The following CEACAM21 variants were observed in gnomAD, a reference collection of about 807,000 sequenced individuals.
The protein encoded by CEACAM21 is CEA cell adhesion molecule 21.
CEACAM21 carries 38 observed loss-of-function variants against 33.2 expected under a neutral mutation model. The observed-to-expected ratio is 1.14, with a 90% CI of 0.88 to 1.50. The LOEUF is 1.50. Among genes scored for constraint, CEACAM21 ranks in the 40% most tolerant of loss-of-function variants. CEACAM21 has a pLI of 0.00. For missense variants in CEACAM21, 385 were observed against 364.6 expected (o/e 1.06, Z -0.46); for synonymous variants, 156 against 143.0 (o/e 1.09, Z -0.65).
chr19:41,571,505 G>T (rs2042611469), upstream of CEACAM21, among the ~76,000 whole-genome samples: 1 of 152,128 alleles, frequency 6.6e-6, no homozygotes, highest in Non-Finnish European at 1.5e-5. Context: ...TGACCCCAAG[G>T]CACCAGATAG....
Position 41,584,431 on chromosome 19 carries a change from GA to G in CEACAM21, c.790del (p.Thr264LeufsTer87). ...VAALVCFLLL[R>X]KTGRASDQSD... ...GCACTTGTGTGTTTCCTGCTCCTCCGAAAAACTGGCAGGTACCACAGCTTTT... is the reference window on the plus strand; with the variant it reads ...GCACTTGTGTGTTTCCTGCTCCTCCGAAAACTGGCAGGTACCACAGCTTTT... On this transcript the variant is annotated frameshift_variant, in exon 4 of 7. Transcript: ENST00000401445. LOFTEE classifies it high-confidence loss of function. The G allele has an allele frequency of 6.2e-7, 1 of 1,605,766 alleles. No individual in the cohort carries two copies.
chr19:41,574,465 A>C (rs2122211941), upstream of CEACAM21, among the ~76,000 whole-genome samples: 1 of 152,376 alleles, frequency 6.6e-6, no homozygotes, highest in African/African-American at 2.4e-5. Context: ...TTGTATCTAA[A>C]ATATATAAAG....
chr19:41,574,994 A>G (rs782454942), upstream of CEACAM21, among the ~76,000 whole-genome samples: 28 of 152,376 alleles, frequency 1.8e-4, 1 homozygote, highest in African/African-American at 4.6e-4. Context: ...ATATTGGGAT[A>G]TTACTCAGCC....
At chr19:41,572,220 T>C (rs930376358), upstream of CEACAM21, among the ~76,000 whole-genome samples, 13 of 152,278 alleles carry the variant, frequency 8.5e-5, no homozygotes, top group African/African-American at 2.9e-4. Context: ...AAATCACTTA[T>C]TTTTTTAAAA....
In CEACAM21 at chr19:41,577,418, T is replaced by C. The variant is rs1555791665; in HGVS notation, c.283T>C (p.Tyr95His). ...TCACGTTAGGACTCCAGGGCCTGCA[T>C]ACAGCGGTCGAGAGACAATATCACC... ...DTHVRTPGPA[Y>H]SGRETISPSG... is the part of the protein sequence containing the mutation. Residue 95 changes from tyrosine to histidine, a missense_variant, in exon 2 of 7, where the codon TAC becomes CAC. Transcript: ENST00000401445. 4.3e-6 allele frequency: 7 copies of C among 1,614,182 alleles called. No individual in the cohort carries two copies. The highest frequency in any genetic ancestry group is 5.1e-6 in the Non-Finnish European group (6 of 1,180,034).
At chr19:41,586,179 CTG>C in intron 6 of CEACAM21, 1 of 582,184 alleles carries the variant, frequency 1.7e-6, no homozygotes, top group Non-Finnish European at 3.1e-6. Context: ...ACCAGGGCAG[CTG>C]CTCTCATCTA....
At chr19:41,568,320 G>T (rs954354225) in intron 2 of CEACAM21, among the ~76,000 whole-genome samples, 3 of 151,576 alleles carry the variant, frequency 2.0e-5, no homozygotes, top group Non-Finnish European at 2.9e-5. Context: ...TGGTTTTGTT[G>T]CTTATGCTGT....
intron 2 of CEACAM21, among the ~76,000 whole-genome samples, chr19:41,570,581 A>G (rs1272702827): frequency 1.2e-4 from 18 of 152,100 alleles, no homozygotes; most frequent in Admixed American, 1.2e-3. Flanking sequence ...AGAATCATGC[A>G]CTCCCAACAT....
At chr19:41,560,408 A>G (rs2041810486) in intron 1 of CEACAM21, among the ~76,000 whole-genome samples, 1 of 152,042 alleles carries the variant, frequency 6.6e-6, no homozygotes, top group African/African-American at 2.4e-5. Context: ...TTTCATAGAG[A>G]TGGGGGTCTC....
chr19:41,585,999 C>A, intron 6 of CEACAM21, 128 bp downstream of exon 6: 3 of 978,140 alleles, frequency 3.1e-6, no homozygotes, highest in Non-Finnish European at 4.7e-6. Flanking sequence ...TTAGACCTGC[C>A]CTGGCCATGA....
At chr19:41,581,986 A>G (rs2078176837) in intron 3 of CEACAM21, among the ~76,000 whole-genome samples, 3 of 152,208 alleles carry the variant, frequency 2.0e-5, no homozygotes, top group African/African-American at 7.2e-5. Flanking sequence ...CCAAGTCCAA[A>G]GTTTCATCTG....
intron 1 of CEACAM21, among the ~76,000 whole-genome samples, chr19:41,555,645 G>C (rs1265096003): frequency 6.6e-6 from 1 of 151,858 alleles, no homozygotes; most frequent in Non-Finnish European, 1.5e-5. Flanking sequence ...CATGCCACAA[G>C]ACCAAGCCAC....
At chr19:41,586,421 T>C (rs1473982202) in intron 6 of CEACAM21, 43 bp from the exon 7 acceptor site, 2 of 624,140 alleles carry the variant, frequency 3.2e-6, no homozygotes, top group Non-Finnish European at 6.2e-6. Context: ...GACCCTGTTC[T>C]GAGAAGGCCT....
chr19:41,558,817 T>G (rs2041697756), intron 1 of CEACAM21, among the ~76,000 whole-genome samples: 1 of 152,220 alleles, frequency 6.6e-6, no homozygotes, highest in Non-Finnish European at 1.5e-5. Flanking sequence ...ATCATAAACT[T>G]AAACGATGTA....
chr19:41,549,534 T>G (rs1345265850), exon 1 of CEACAM21: 1 of 152,236 alleles, frequency 6.6e-6, no homozygotes, highest in African/African-American at 2.4e-5. Flanking sequence ...GAACTTGGAC[T>G]GAGTCCTGCA....
At chr19:41,559,821 A>G (rs2041764125) in intron 1 of CEACAM21, among the ~76,000 whole-genome samples, 1 of 152,216 alleles carries the variant, frequency 6.6e-6, no homozygotes, top group African/African-American at 2.4e-5. Context: ...GTCAGGCAGG[A>G]AAAGAGGCTG....
At chr19:41,561,000 T>C (rs781796478) in intron 1 of CEACAM21, among the ~76,000 whole-genome samples, 13 of 152,016 alleles carry the variant, frequency 8.6e-5, no homozygotes, top group Non-Finnish European at 1.5e-4. Flanking sequence ...GTCCAAGAAA[T>C]AACAAAGAAG....
chr19:41,585,299 G>T, intron 4 of CEACAM21, 144 bp from the exon 5 acceptor site: 2 of 782,274 alleles, frequency 2.6e-6, no homozygotes, highest in East Asian at 5.1e-5. Flanking sequence ...CCCCTCACCT[G>T]GGCCCCTCCT....
At chr19:41,583,833 GTGA>G (rs1464254912) in intron 3 of CEACAM21, among the ~76,000 whole-genome samples, 1 of 152,152 alleles carries the variant, frequency 6.6e-6, no homozygotes, top group Non-Finnish European at 1.5e-5. Context: ...CATATCAATG[GTGA>G]TGAACACCAA....
Sources: gnomAD v4.1 joint callset for allele counts (sites outside exome capture counted in the v4.1 genomes callset) on GRCh38, gnomAD v4.1.1 for gene constraint, MANE v1.5 for transcripts, NCBI Gene and HGNC (gene_info 2026-07-23, HGNC 2026-07-21) for gene names.